The following ELAPOR2 variants were observed in gnomAD, a reference collection of about 807,000 sequenced individuals.
ELAPOR2 encodes the protein endosome-lysosome associated apoptosis and autophagy regulator family member 2.
Under a neutral mutation model 120.7 loss-of-function variants are expected in ELAPOR2, and 89 were observed. The observed-to-expected ratio is 0.74, with a 90% CI of 0.62 to 0.88. The LOEUF (loss-of-function observed/expected upper bound fraction) is 0.88, where lower values mean the gene tolerates loss of function less well. ELAPOR2 is among the 40% of genes least tolerant of loss of function. The pLI is 0.00. For missense variants in ELAPOR2, 1,134 were observed against 1,251.6 expected (o/e 0.91, Z 1.42); for synonymous variants, 444 against 444.9 (o/e 1.00, Z 0.03).
At chr7:86,925,327 T>C (rs565881702) in intron 10 of ELAPOR2, among the ~76,000 whole-genome samples, 115 of 152,112 alleles carry the variant, frequency 7.6e-4, no homozygotes, top group African/African-American at 2.7e-3. Context: ...GCAAAATTAA[T>C]AGTTTGTTCT....
intron 21 of ELAPOR2, among the ~76,000 whole-genome samples, chr7:86,887,101 G>A (rs1799728340): frequency 1.3e-5 from 2 of 152,044 alleles, no homozygotes; most frequent in South Asian, 2.1e-4. Context: ...ATTAAAGACT[G>A]GCATTTCAAG....
intron 1 of ELAPOR2, among the ~76,000 whole-genome samples, chr7:87,021,500 C>T (rs775201767): frequency 6.6e-6 from 1 of 151,860 alleles, no homozygotes; most frequent in Non-Finnish European, 1.5e-5. Context: ...TAACCAGTCA[C>T]CTCTTAAAAA....
rs149633605 is a variant in ELAPOR2 at position 86,987,710 on chromosome 7, A to G, written c.190-22686T>C. ...AGTCAGGAAACAACAGATGCTGGAG[A>G]GGATGTGGAGAAATAGGAACGCTTT... On this transcript the variant is annotated intron_variant, in intron 1 of 21. Transcript: ENST00000450689. Among the ~76,000 whole-genome samples, 374 of 151,822 alleles carry G rather than the reference A, an allele frequency of 2.5e-3. 1 individual carries two copies. The highest frequency in any genetic ancestry group is 3.9e-3 in the Non-Finnish European group (267 of 67,960).
In ELAPOR2 at chr7:86,877,308, G is replaced by A. The variant is rs977230993; in HGVS notation, c.*3163C>T. 2.6e-5 allele frequency: 4 copies of A among 152,264 alleles called. No homozygotes were observed. The highest frequency in any genetic ancestry group is 5.9e-5 in the Non-Finnish European group (4 of 68,034). The allele number at this position is 152,264 out of a possible 1,614,324, so 9.4% of individuals were successfully genotyped here. ...AATTCCATTTTAGCTTCCAACGAAT[G>A]AGTCGGGTGTTGAGATTTCTAAAAG... On this transcript the variant is annotated 3_prime_UTR_variant, in exon 22 of 22. Coordinates refer to ENST00000450689, the MANE Select transcript of ELAPOR2 (RefSeq NM_001142749.3).
At chr7:86,985,671 G>GT (rs1792701714) in intron 1 of ELAPOR2, among the ~76,000 whole-genome samples, 1 of 151,936 alleles carries the variant, frequency 6.6e-6, no homozygotes. Context: ...AATACACTAG[G>GT]TATTTTTTTT....
In ELAPOR2 at chr7:86,914,710, G is replaced by A. The variant is rs539945276; in HGVS notation, c.1731+13C>T. The A allele has an allele frequency of 6.3e-7, 1 of 1,595,172 alleles. No individual in the cohort carries two copies. The highest frequency in any genetic ancestry group is 1.4e-5 in the African/African-American group (1 of 73,932). On this transcript the variant is annotated intron_variant, in intron 13 of 21. Coordinates refer to ENST00000450689, the MANE Select transcript of ELAPOR2 (RefSeq NM_001142749.3). ...TGTGTTTAAAATTTTAAAAAAAAGT[G>A]CTTGGAACTTACATCTTGACCCTGA... is the stretch of plus-strand genomic sequence containing the variant.
intron 8 of ELAPOR2, among the ~76,000 whole-genome samples, chr7:86,936,368 C>T (rs1328706459): frequency 2.0e-5 from 3 of 151,946 alleles, no homozygotes; most frequent in Non-Finnish European, 2.9e-5. Context: ...CAGGTGCATG[C>T]CACTTTACCC....
chr7:87,044,633 G>A (rs934124707), intron 1 of ELAPOR2, among the ~76,000 whole-genome samples: 7 of 151,864 alleles, frequency 4.6e-5, no homozygotes, highest in South Asian at 2.1e-4. Context: ...CTTAAATGTT[G>A]GACCTAACAC....
chr7:86,929,289 C>G (rs1467725879), intron 8 of ELAPOR2, among the ~76,000 whole-genome samples: 2 of 151,936 alleles, frequency 1.3e-5, no homozygotes, highest in African/African-American at 4.8e-5. Flanking sequence ...TGTCACTTCA[C>G]AAATGCACTA....
intron 10 of ELAPOR2, among the ~76,000 whole-genome samples, chr7:86,924,569 C>G (rs1789979351): frequency 6.6e-6 from 1 of 151,518 alleles, no homozygotes; most frequent in African/African-American, 2.4e-5. Flanking sequence ...TATTCTTCTT[C>G]TCTCTGAGGA....
intron 21 of ELAPOR2, among the ~76,000 whole-genome samples, chr7:86,880,845 T>C (rs1414753387): frequency 2.0e-5 from 3 of 151,554 alleles, no homozygotes; most frequent in Non-Finnish European, 4.4e-5. Context: ...GGGACATACC[T>C]GACCTGAGTG....
intron 2 of ELAPOR2, among the ~76,000 whole-genome samples, chr7:86,951,900 C>G (rs1300277830): frequency 6.6e-6 from 1 of 152,184 alleles, no homozygotes; most frequent in Non-Finnish European, 1.5e-5. Flanking sequence ...GTATTTTTCT[C>G]TGAAAGGCAT....
intron 13 of ELAPOR2, 53 bp from the exon 14 acceptor site, chr7:86,913,257 A>T: frequency 6.4e-7 from 1 of 1,564,772 alleles, no homozygotes; most frequent in East Asian, 2.3e-5. Flanking sequence ...TAGTTGTACA[A>T]CCAGATTATG....
intron 1 of ELAPOR2, among the ~76,000 whole-genome samples, chr7:87,053,872 C>T (rs1795187708): frequency 6.6e-6 from 1 of 152,102 alleles, no homozygotes. Context: ...CCTGGTAATC[C>T]ACCTGCTCCC....
In ELAPOR2 at chr7:86,913,032, T is replaced by C. The variant is rs991433336; in HGVS notation, c.1904A>G (p.Lys635Arg). 8 of 1,613,960 alleles carry C rather than the reference T, an allele frequency of 5.0e-6. No individual in the cohort carries two copies. The highest frequency in any genetic ancestry group is 6.8e-6 in the Non-Finnish European group (8 of 1,180,000). The change falls in exon 14 of 22, where the codon AAG becomes AGG. Residue 635 changes from lysine to arginine, a missense_variant. Around this residue, in one of 3 missense-constraint regions of ELAPOR2, gnomAD observed 831 missense variants for 867.6 expected, o/e 0.96. Transcript: ENST00000450689. The stretch of plus-strand genomic sequence containing the variant: ...CAGGTAGGTGTCAGGTGGACATTCC[T>C]TGCACTGGTTGGTTTCTTTCTCAAT... Reference protein sequence around the residue: ...HYIEKETNQCKECPPDTYLSI... With the variant: ...HYIEKETNQCRECPPDTYLSI...
At chr7:86,973,836 C>G (rs1792184946) in intron 1 of ELAPOR2, among the ~76,000 whole-genome samples, 1 of 152,150 alleles carries the variant, frequency 6.6e-6, no homozygotes, top group Non-Finnish European at 1.5e-5. Context: ...GAGGAGGACC[C>G]TCTATAGTAG....
chr7:86,958,004 C>T (rs1791545037), intron 2 of ELAPOR2, among the ~76,000 whole-genome samples: 1 of 152,200 alleles, frequency 6.6e-6, no homozygotes, highest in African/African-American at 2.4e-5. Flanking sequence ...CCATTTATCT[C>T]TCCAGGATAT....
intron 1 of ELAPOR2, among the ~76,000 whole-genome samples, chr7:87,044,928 C>A (rs1213509905): frequency 6.8e-6 from 1 of 147,468 alleles, no homozygotes; most frequent in Non-Finnish European, 1.5e-5. Context: ...ACAAACAACC[C>A]CATCAAAAAG....
chr7:86,969,402 C>T (rs1352463309), intron 1 of ELAPOR2, among the ~76,000 whole-genome samples: 3 of 152,082 alleles, frequency 2.0e-5, no homozygotes, highest in Admixed American at 6.6e-5. Flanking sequence ...TATGTTGACA[C>T]ATTGACCATA....
Sources: allele counts gnomAD v4.1 joint callset (sites outside exome capture counted in the v4.1 genomes callset), GRCh38; gene constraint gnomAD v4.1.1; regional missense constraint gnomAD v4.1.1; transcripts MANE v1.5; gene names NCBI Gene and HGNC (gene_info 2026-07-23, HGNC 2026-07-21).